The following GAS1 variants were observed in gnomAD, a reference collection of about 807,000 sequenced individuals.
The protein encoded by GAS1 is growth arrest-specific protein 1.
GAS1 carries 10 observed loss-of-function variants against 21.6 expected under a neutral mutation model. The ratio of observed to expected loss-of-function variants is 0.46; its 90% CI spans 0.29 to 0.79. The LOEUF is 0.79. Among genes scored for constraint, GAS1 ranks in the 30% least tolerant of loss-of-function variants. The pLI is 0.10. For synonymous variants in GAS1, 332 were observed against 264.0 expected (o/e 1.26, Z -2.50); for missense variants, 567 against 544.3 (o/e 1.04, Z -0.42).
At position 86,945,576 on chromosome 9, in the gene GAS1, G is replaced by T. The variant is rs1825469539; in HGVS notation, c.*166C>A. On this transcript the variant is annotated 3_prime_UTR_variant, in exon 1 of 1. Coordinates refer to ENST00000298743, the MANE Select transcript of GAS1 (RefSeq NM_002048.3). ...AGCTTCAGGGGAAGTGCCCAGAGTC[G>T]TGGCCGGGGAACCGGCTACACCAAG... The T allele has an allele frequency of 3.4e-6, 2 of 585,042 alleles. No individual in the cohort carries two copies. Among genetic ancestry groups the T allele is most frequent in the East Asian group, 3.7e-5 (1 of 27,312 alleles). 36.2% of individuals were successfully genotyped at this position (585,042 alleles called of 1,614,324 possible).
chr9:86,946,851 G>A lies in GAS1; in HGVS notation c.-72C>T, dbSNP rs1219730147. 4 of 450,856 alleles carry A rather than the reference G, an allele frequency of 8.9e-6. No homozygotes were observed. The highest frequency in any genetic ancestry group is 1.2e-5 in the Non-Finnish European group (3 of 259,822). 27.9% of individuals were successfully genotyped at this position (450,856 alleles called of 1,614,324 possible). ...CGCGGGGAGCGGCGGACGCGGAGCC[G>A]GTGGAAAAGTTTGTCCAAGTCCTGC... On this transcript the variant is annotated 5_prime_UTR_variant, in exon 1 of 1. Transcript: ENST00000298743. This position sits in a 1 kb window ranked among gnomAD's most constrained non-coding sequence, Gnocchi z 5.2.
rs387907165 is a variant in GAS1 at position 86,946,181 on chromosome 9, G to C, written c.599C>G (p.Thr200Arg). The change falls in exon 1 of 1, where the codon ACG (threonine) becomes AGG (arginine). Residue 200 changes from threonine (T) to arginine (R), a missense_variant. Coordinates refer to ENST00000298743, the MANE Select transcript of GAS1 (RefSeq NM_002048.3). The surrounding 1 kb of genome is among the most constrained non-coding windows in gnomAD (Gnocchi z 5.2). ...CTCAATGACGGTGCGGCATTCGTCCGTGCAGCGCAGCCCGTTGAAGACTTT... is the reference window on the plus strand; with the variant it reads ...CTCAATGACGGTGCGGCATTCGTCCCTGCAGCGCAGCCCGTTGAAGACTTT... ...CGKVFNGLRCTDECRTVIEDM... is the reference protein window; with the variant it reads ...CGKVFNGLRCRDECRTVIEDM... 1 of 1,605,612 alleles carries C rather than the reference G, an allele frequency of 6.2e-7. No homozygotes were observed.
Position 86,946,631 on chromosome 9 carries a change from T to A in GAS1, c.149A>T (p.Gln50Leu). The stretch of plus-strand genomic sequence containing the variant: ...CTCCCCCTGGCACTGCAGCAGCGCC[T>A]GCCAGCAGATGAGGCGGCGGCCGTG... ...LAHGRRLICW[Q>L]ALLQCQGEPE... Residue 50 changes from glutamine (Q) to leucine (L), a missense_variant, in exon 1 of 1, where the codon CAG becomes CTG. By Grantham distance (113) the Gln-to-Leu change is moderately radical. Transcript: ENST00000298743. The surrounding 1 kb of genome is among the most constrained non-coding windows in gnomAD (Gnocchi z 5.2). 1 of 1,448,840 alleles carries A rather than the reference T, an allele frequency of 6.9e-7. No homozygotes were observed. The highest frequency in any genetic ancestry group is 1.5e-5 in the African/African-American group (1 of 67,568). 89.7% of individuals were successfully genotyped at this position (1,448,840 alleles called of 1,614,324 possible).
Position 86,946,439 on chromosome 9 carries a change from A to C in GAS1, c.341T>G (p.Ile114Ser). The change falls in exon 1 of 1, where the codon ATT (isoleucine) becomes AGT (serine). Residue 114 changes from isoleucine to serine, a missense_variant. Coordinates refer to ENST00000298743, the MANE Select transcript of GAS1 (RefSeq NM_002048.3). The surrounding 1 kb of genome is among the most constrained non-coding windows in gnomAD (Gnocchi z 5.2). ...CCCGCGGCGCGTGTGGTTGAGCTGA[A>C]TGAGGGCCGAGATGCAGTGACTCGG... is the stretch of plus-strand genomic sequence containing the variant. ...RCPSHCISAL[I>S]QLNHTRRGPA... is the part of the protein sequence containing the mutation. The C allele has an allele frequency of 6.7e-7, 1 of 1,482,084 alleles. No homozygotes were observed. The highest frequency in any genetic ancestry group is 1.5e-5 in the African/African-American group (1 of 68,502). The allele number at this position is 1,482,084 out of a possible 1,614,324, so 91.8% of individuals were successfully genotyped here. A position where few individuals can be genotyped will look rare whatever the true frequency, so the allele number is the denominator to read the frequency against.
chr9:86,945,693 G>A lies in GAS1; in HGVS notation c.*49C>T, dbSNP rs984030891. On this transcript the variant is annotated 3_prime_UTR_variant, in exon 1 of 1. Transcript: ENST00000298743. ...CCCGGCGCGGGGTCGAGGCGAGCAC[G>A]GGAGTGGGACGCGGGCTCTCCCGCA... The A allele has an allele frequency of 2.1e-5, 31 of 1,473,398 alleles. No individual in the cohort carries two copies. Among genetic ancestry groups the A allele is most frequent in the Non-Finnish European group, 2.7e-5 (30 of 1,107,572 alleles). The allele number at this position is 1,473,398 out of a possible 1,614,324, so 91.3% of individuals were successfully genotyped here. A position where few individuals can be genotyped will look rare whatever the true frequency, so the allele number is the denominator to read the frequency against.
chr9:86,944,924 A>C lies in GAS1; in HGVS notation c.*818T>G, dbSNP rs970952301. 3 of 152,308 alleles carry C rather than the reference A, an allele frequency of 2.0e-5. 1 individual carries two copies. The highest frequency in any genetic ancestry group is 6.8e-3 in the Middle Eastern group (2 of 294). The allele number at this position is 152,308 out of a possible 1,614,324, so 9.4% of individuals were successfully genotyped here. A position where few individuals can be genotyped will look rare whatever the true frequency, so the allele number is the denominator to read the frequency against. ...TGTAAAGAACAAAAATGACAAAAAA[A>C]CAAACATCATAAAGAGACTTTCATA... On this transcript the variant is annotated 3_prime_UTR_variant, in exon 1 of 1. Coordinates refer to ENST00000298743, the MANE Select transcript of GAS1 (RefSeq NM_002048.3).
rs989756792 is a variant in GAS1, at chr9:86,945,615, A to G, written c.*127T>C. Reference sequence around the variant, plus strand: ...GGCTACACCAAGTTGACTTGGAAAAAGTTTTGGGAAGTATCCCCAACCATC... The same window carrying G: ...GGCTACACCAAGTTGACTTGGAAAAGGTTTTGGGAAGTATCCCCAACCATC... On this transcript the variant is annotated 3_prime_UTR_variant, in exon 1 of 1. Transcript: ENST00000298743. The G allele has an allele frequency of 2.1e-6, 2 of 933,684 alleles. No individual in the cohort carries two copies. Among genetic ancestry groups the G allele is most frequent in the African/African-American group, 1.8e-5 (1 of 57,076 alleles). 57.8% of individuals were successfully genotyped at this position (933,684 alleles called of 1,614,324 possible).
In GAS1 at chr9:86,946,563, C is replaced by T; in HGVS notation, c.217G>A (p.Ala73Thr). The change falls in exon 1 of 1, where the codon GCG becomes ACG. Residue 73 changes from alanine (A) to threonine (T), a missense_variant. By Grantham distance (58) the Ala-to-Thr change is moderately conservative. Transcript: ENST00000298743. The surrounding 1 kb of genome is among the most constrained non-coding windows in gnomAD (Gnocchi z 5.2). ...CCGCCGTGCTGCGCCAGCACCGGCG[C>T]GCACGCCTCGGCGTACTGGTTGTAG... Reference protein sequence around the residue: ...YAYNQYAEACAPVLAQHGGGD... With the variant: ...YAYNQYAEACTPVLAQHGGGD... 1 of 1,395,758 alleles carries T rather than the reference C, an allele frequency of 7.2e-7. No individual in the cohort carries two copies. Among genetic ancestry groups the T allele is most frequent in the Non-Finnish European group, 9.3e-7 (1 of 1,078,348 alleles). The allele number at this position is 1,395,758 out of a possible 1,614,324, so 86.5% of individuals were successfully genotyped here. A position where few individuals can be genotyped will look rare whatever the true frequency, so the allele number is the denominator to read the frequency against.
chr9:86,945,668 C>G lies in GAS1; in HGVS notation c.*74G>C. On this transcript the variant is annotated 3_prime_UTR_variant, in exon 1 of 1. Coordinates refer to ENST00000298743, the MANE Select transcript of GAS1 (RefSeq NM_002048.3). ...TTCTATCTGTCCCAAGCCACAGGTG[C>G]CCGGCGCGGGGTCGAGGCGAGCACG... The G allele has an allele frequency of 7.2e-7, 1 of 1,397,346 alleles. No individual in the cohort carries two copies. Among genetic ancestry groups the G allele is most frequent in the Non-Finnish European group, 9.4e-7 (1 of 1,060,930 alleles). The allele number at this position is 1,397,346 out of a possible 1,614,324, so 86.6% of individuals were successfully genotyped here.
In GAS1 at chr9:86,946,506, A is replaced by AAGC. The variant is rs756167741; in HGVS notation, c.271_273dup (p.Ala91dup). On this transcript the variant is annotated inframe_insertion, in exon 1 of 1. Transcript: ENST00000298743. The surrounding 1 kb of genome is among the most constrained non-coding windows in gnomAD (Gnocchi z 5.2). Reference sequence around the variant, plus strand: ...GAGAAAGAGGCGGCCGAGGCCGGGAAAGCGGCGGCGGCGGCCCCGGGCGCG... The same window carrying AAGC: ...GAGAAAGAGGCGGCCGAGGCCGGGAAAGCAGCGGCGGCGGCGGCCCCGGGCGCG... 539 of 1,440,844 alleles carry AAGC rather than the reference A, an allele frequency of 3.7e-4. 2 individuals carry two copies. The highest frequency in any genetic ancestry group is 4.8e-4 in the Non-Finnish European group (526 of 1,098,264). The allele number at this position is 1,440,844 out of a possible 1,614,324, so 89.3% of individuals were successfully genotyped here.
Position 86,945,635 on chromosome 9 carries a change from A to G in GAS1, c.*107T>C, listed in dbSNP as rs986037988. On this transcript the variant is annotated 3_prime_UTR_variant, in exon 1 of 1. Transcript: ENST00000298743. ...GAAAAAGTTTTGGGAAGTATCCCCAACCATCCCTTCTATCTGTCCCAAGCC... is the reference window on the plus strand; with the variant it reads ...GAAAAAGTTTTGGGAAGTATCCCCAGCCATCCCTTCTATCTGTCCCAAGCC... 10 of 1,152,994 alleles carry G rather than the reference A, an allele frequency of 8.7e-6. No homozygotes were observed. Among genetic ancestry groups the G allele is most frequent in the South Asian group, 3.9e-5 (2 of 50,958 alleles). 71.4% of individuals were successfully genotyped at this position (1,152,994 alleles called of 1,614,324 possible).
rs1358903563 is a variant in GAS1, at chr9:86,944,612, A to T, written c.*1130T>A. On this transcript the variant is annotated 3_prime_UTR_variant, in exon 1 of 1. Coordinates refer to ENST00000298743, the MANE Select transcript of GAS1 (RefSeq NM_002048.3). ...ATTTTAAGACTGTTCTAAATATAGCACACTTCACAATGGACTGTGGGTTTT... is the reference window on the plus strand; with the variant it reads ...ATTTTAAGACTGTTCTAAATATAGCTCACTTCACAATGGACTGTGGGTTTT... 1 of 152,198 alleles carries T rather than the reference A, an allele frequency of 6.6e-6. No homozygotes were observed. The highest frequency in any genetic ancestry group is 2.4e-5 in the African/African-American group (1 of 41,442). 9.4% of individuals were successfully genotyped at this position (152,198 alleles called of 1,614,324 possible). A position where few individuals can be genotyped will look rare whatever the true frequency, so the allele number is the denominator to read the frequency against.
Position 86,945,747 on chromosome 9 carries a change from A to G in GAS1, c.1033T>C (p.Phe345Leu). 6.6e-7 allele frequency: 1 copy of G among 1,519,868 alleles called. No homozygotes were observed. The highest frequency in any genetic ancestry group is 8.8e-7 in the Non-Finnish European group (1 of 1,132,322). The allele number at this position is 1,519,868 out of a possible 1,614,324, so 94.1% of individuals were successfully genotyped here. The change falls in exon 1 of 1, where the codon TTT (phenylalanine) becomes CTT (leucine). Residue 345 changes from phenylalanine (F) to leucine (L), a missense_variant. Coordinates refer to ENST00000298743, the MANE Select transcript of GAS1 (RefSeq NM_002048.3). ...SILLLLLGPL[F>L] The stretch of plus-strand genomic sequence containing the variant: ...AACGGCGGGGGGCGCGAGGGCTAAA[A>G]GAGCGGCCCAAGCAGCAGCAGCAAG...
In GAS1 at chr9:86,946,460, C is replaced by T. The variant is rs1483868630; in HGVS notation, c.320G>A (p.Ser107Asn). 2.0e-6 allele frequency: 3 copies of T among 1,478,290 alleles called. No individual in the cohort carries two copies. The highest frequency in any genetic ancestry group is 2.7e-6 in the Non-Finnish European group (3 of 1,118,304). 91.6% of individuals were successfully genotyped at this position (1,478,290 alleles called of 1,614,324 possible). A position where few individuals can be genotyped will look rare whatever the true frequency, so the allele number is the denominator to read the frequency against. ...ASFSSRWRCP[S>N]HCISALIQLN... ...CTGAATGAGGGCCGAGATGCAGTGA[C>T]TCGGGCAGCGCCAGCGCGACGAGAA... Residue 107 changes from serine to asparagine, a missense_variant, in exon 1 of 1, where the codon AGT becomes AAT. Ser to Asn is a conservative substitution (Grantham distance 46). Transcript: ENST00000298743. The surrounding 1 kb of genome is among the most constrained non-coding windows in gnomAD (Gnocchi z 5.2).
Position 86,945,886 on chromosome 9 carries a change from G to A in GAS1, c.894C>T (p.Ser298=), listed in dbSNP as rs757870606. Residue 298 remains serine, a synonymous_variant, in exon 1 of 1, where the codon AGC becomes AGT. Transcript: ENST00000298743. ...DGVPHPPRPG[S]GAAASGGRGD... ...CGCGGCCGCCCGATGCAGCAGCGCC[G>A]CTGCCCGGGCGCGGTGGGTGCGGGA... The A allele has an allele frequency of 2.9e-5, 44 of 1,508,190 alleles. 1 individual carries two copies. The Middle Eastern group carries it at 1.8e-3, about 63-fold the overall frequency. 93.4% of individuals were successfully genotyped at this position (1,508,190 alleles called of 1,614,324 possible). A position where few individuals can be genotyped will look rare whatever the true frequency, so the allele number is the denominator to read the frequency against.
At position 86,946,602 on chromosome 9, in the gene GAS1, C is replaced by T. The variant is rs748874081; in HGVS notation, c.178G>A (p.Glu60Lys). 41 of 1,449,908 alleles carry T rather than the reference C, an allele frequency of 2.8e-5. No individual in the cohort carries two copies. Among genetic ancestry groups the T allele is most frequent in the Admixed American group, 1.4e-4 (6 of 42,322 alleles). The allele number at this position is 1,449,908 out of a possible 1,614,324, so 89.8% of individuals were successfully genotyped here. A position where few individuals can be genotyped will look rare whatever the true frequency, so the allele number is the denominator to read the frequency against. ...TACTGGTTGTAGGCGTAGCTGCACT[C>T]CGGCTCCCCCTGGCACTGCAGCAGC... is the stretch of plus-strand genomic sequence containing the variant. ...QALLQCQGEP[E>K]CSYAYNQYAE... The change falls in exon 1 of 1, where the codon GAG becomes AAG. Residue 60 changes from glutamate (E) to lysine (K), a missense_variant. By Grantham distance (56) the Glu-to-Lys change is moderately conservative. Coordinates refer to ENST00000298743, the MANE Select transcript of GAS1 (RefSeq NM_002048.3). This position sits in a 1 kb window ranked among gnomAD's most constrained non-coding sequence, Gnocchi z 5.2.
chr9:86,945,714 C>T lies in GAS1; in HGVS notation c.*28G>A, dbSNP rs1057381059. On this transcript the variant is annotated 3_prime_UTR_variant, in exon 1 of 1. Transcript: ENST00000298743. ...GCACGGGAGTGGGACGCGGGCTCTCCCGCAGCCAACGGCGGGGGGCGCGAG... is the reference window on the plus strand; with the variant it reads ...GCACGGGAGTGGGACGCGGGCTCTCTCGCAGCCAACGGCGGGGGGCGCGAG... 6 of 1,524,066 alleles carry T rather than the reference C, an allele frequency of 3.9e-6. No homozygotes were observed. The highest frequency in any genetic ancestry group is 2.6e-5 in the East Asian group (1 of 38,778). 94.4% of individuals were successfully genotyped at this position (1,524,066 alleles called of 1,614,324 possible).
Position 86,946,646 on chromosome 9 carries a change from C to T in GAS1, c.134G>A (p.Arg45His), listed in dbSNP as rs1825498747. Residue 45 changes from arginine to histidine, a missense_variant, in exon 1 of 1, where the codon CGC becomes CAC. Coordinates refer to ENST00000298743, the MANE Select transcript of GAS1 (RefSeq NM_002048.3). The surrounding 1 kb of genome is among the most constrained non-coding windows in gnomAD (Gnocchi z 5.2). ...CAGCAGCGCCTGCCAGCAGATGAGG[C>T]GGCGGCCGTGCGCCAGCCCCGATCC... Reference protein sequence around the residue: ...PRGSGLAHGRRLICWQALLQC... With the variant: ...PRGSGLAHGRHLICWQALLQC... The T allele has an allele frequency of 2.1e-6, 3 of 1,446,494 alleles. No individual in the cohort carries two copies. The highest frequency in any genetic ancestry group is 2.7e-6 in the Non-Finnish European group (3 of 1,101,514). 89.6% of individuals were successfully genotyped at this position (1,446,494 alleles called of 1,614,324 possible).
rs1245526980 is a variant in GAS1, at chr9:86,946,896, C to A, written c.-117G>T. The A allele has an allele frequency of 8.5e-6, 3 of 351,480 alleles. No individual in the cohort carries two copies. The highest frequency in any genetic ancestry group is 4.4e-5 in the African/African-American group (2 of 45,898). The allele number at this position is 351,480 out of a possible 1,614,324, so 21.8% of individuals were successfully genotyped here. A position where few individuals can be genotyped will look rare whatever the true frequency, so the allele number is the denominator to read the frequency against. On this transcript the variant is annotated 5_prime_UTR_variant, in exon 1 of 1. Coordinates refer to ENST00000298743, the MANE Select transcript of GAS1 (RefSeq NM_002048.3). This position sits in a 1 kb window ranked among gnomAD's most constrained non-coding sequence, Gnocchi z 5.2. Reference sequence around the variant, plus strand: ...TCCTGCCCACTTCTTGCATGAGTGTCTTCATAAATCCATGCGCGCCGCTGG... The same window carrying A: ...TCCTGCCCACTTCTTGCATGAGTGTATTCATAAATCCATGCGCGCCGCTGG...
Sources: gnomAD v4.1 joint callset for allele counts on GRCh38, gnomAD v4.1.1 for gene constraint, Gnocchi (gnomAD v3.1) non-coding constraint, MANE v1.5 for transcripts, NCBI Gene and HGNC (gene_info 2026-07-23, HGNC 2026-07-21) for gene names.